RAD51B: variants seen among roughly 807,000 people sequenced by gnomAD.
RAD51B encodes the protein RAD51 paralog B, also known as DNA repair protein RAD51 homolog 2.
In RAD51B, 38 loss-of-function variants were observed where a neutral mutation model predicts 42.2. The ratio of observed to expected loss-of-function variants is 0.90; its 90% CI spans 0.70 to 1.18. RAD51B has a LOEUF of 1.18. Ranked by LOEUF, RAD51B falls within the 50% of genes most tolerant of loss-of-function variation. RAD51B has a pLI of 0.00. For missense variants in RAD51B, 373 were observed against 400.7 expected (o/e 0.93, Z 0.59); for synonymous variants, 154 against 145.2 (o/e 1.06, Z -0.43).
intron 7 of RAD51B, among the ~76,000 whole-genome samples, chr14:68,235,051 T>C (rs2080219221): frequency 6.6e-6 from 1 of 152,146 alleles, no homozygotes; most frequent in Admixed American, 6.5e-5. Flanking sequence ...GTAGAAAGAG[T>C]ACACTGTAAA....
intron 7 of RAD51B, among the ~76,000 whole-genome samples, chr14:68,032,498 A>G (rs1339490602): frequency 6.6e-6 from 1 of 152,188 alleles, no homozygotes; most frequent in Non-Finnish European, 1.5e-5. Flanking sequence ...CATGGCTCAA[A>G]TCAGAAAAAT....
chr14:68,325,683 G>C (rs1316702972), intron 8 of RAD51B, among the ~76,000 whole-genome samples: 3 of 151,452 alleles, frequency 2.0e-5, no homozygotes, highest in African/African-American at 7.3e-5. Context: ...TCTAGTTAGC[G>C]TGGTGCTTCC....
exon 11 of RAD51B, chr14:68,611,505 T>C (rs1243538690): frequency 3.9e-6 from 2 of 511,232 alleles, no homozygotes; most frequent in African/African-American, 3.8e-5. Flanking sequence ...CTGCCCTCCT[T>C]GCAGCATCTC....
intron 7 of RAD51B, among the ~76,000 whole-genome samples, chr14:68,214,017 T>A (rs189648482): frequency 6.6e-6 from 1 of 152,272 alleles, no homozygotes; most frequent in East Asian, 1.9e-4. Flanking sequence ...AAAACCATAT[T>A]AGAGAATGTG....
intron 11 of RAD51B, among the ~76,000 whole-genome samples, chr14:68,659,039 C>T (rs1892880448): frequency 6.6e-6 from 1 of 152,172 alleles, no homozygotes. Context: ...TGCCACCAAG[C>T]CCAAGACAAA....
At chr14:68,226,769 G>A (rs1340088184) in intron 7 of RAD51B, among the ~76,000 whole-genome samples, 4 of 152,210 alleles carry the variant, frequency 2.6e-5, no homozygotes, top group Admixed American at 1.3e-4. Context: ...GAGAGACTAA[G>A]TGACTTGCCA....
At chr14:68,358,839 A>C (rs760053925) in intron 8 of RAD51B, among the ~76,000 whole-genome samples, 9 of 152,232 alleles carry the variant, frequency 5.9e-5, no homozygotes, top group Non-Finnish European at 4.4e-5. Flanking sequence ...TATTTGAAAA[A>C]TATTTTAAGA....
intron 8 of RAD51B, among the ~76,000 whole-genome samples, chr14:68,340,862 T>A (rs1460963664): frequency 6.6e-6 from 1 of 152,222 alleles, no homozygotes; most frequent in East Asian, 1.9e-4. Context: ...ATGAAAGCAA[T>A]GGAGAACAGT....
chr14:68,280,469 C>G (rs2081299603), intron 7 of RAD51B, among the ~76,000 whole-genome samples: 1 of 152,084 alleles, frequency 6.6e-6, no homozygotes, highest in African/African-American at 2.4e-5. Context: ...CAAAAAATAC[C>G]TCAACTTCTT....
chr14:67,827,381 C>T (rs1472779198), intron 3 of RAD51B, among the ~76,000 whole-genome samples: 1 of 152,118 alleles, frequency 6.6e-6, no homozygotes, highest in Non-Finnish European at 1.5e-5. Flanking sequence ...AAATACAGTT[C>T]AAGAAACCAT....
chr14:67,941,221 G>A (rs10133262), intron 7 of RAD51B, among the ~76,000 whole-genome samples: 41,513 of 152,058 alleles, frequency 0.27, 7,362 homozygotes, highest in African/African-American at 0.5. Context: ...ACGGAGTTAT[G>A]ATGACATCTG....
downstream of RAD51B, among the ~76,000 whole-genome samples, chr14:68,479,198 A>G (rs1373090831): frequency 2.0e-5 from 3 of 152,154 alleles, no homozygotes; most frequent in African/African-American, 7.2e-5. Flanking sequence ...TGTTGGTGAA[A>G]ACCAAGGTGA....
intron 8 of RAD51B, among the ~76,000 whole-genome samples, chr14:68,369,192 T>C (rs1050747242): frequency 8.5e-5 from 13 of 152,232 alleles, no homozygotes; most frequent in Admixed American, 3.3e-4. Flanking sequence ...AGGTTGTTTA[T>C]GTATTTGATG....
chr14:68,214,627 A>G lies in RAD51B; in HGVS notation c.757-77257A>G, dbSNP rs74509757. Reference sequence around the variant, plus strand: ...AGAGATGATCAGTGTTCTAAGTGCTATGGTTCATCATGTTCTGGAGGTGGC... The same window carrying G: ...AGAGATGATCAGTGTTCTAAGTGCTGTGGTTCATCATGTTCTGGAGGTGGC... On this transcript the variant is annotated intron_variant, in intron 7 of 10. Coordinates refer to ENST00000471583, the MANE Select transcript of RAD51B (RefSeq NM_133510.4). Among the ~76,000 whole-genome samples, 827 of 152,340 alleles carry G rather than the reference A, an allele frequency of 5.4e-3. 7 individuals are homozygous for G. The highest frequency in any genetic ancestry group is 0.019 in the African/African-American group (802 of 41,580).
intron 1 of RAD51B, among the ~76,000 whole-genome samples, chr14:67,821,874 G>T (rs541553123): frequency 6.6e-6 from 1 of 152,158 alleles, no homozygotes; most frequent in East Asian, 1.9e-4. Flanking sequence ...TATTATAGCA[G>T]GTATCACTTG....
chr14:68,125,798 G>A (rs983417675), intron 7 of RAD51B, among the ~76,000 whole-genome samples: 1 of 151,226 alleles, frequency 6.6e-6, no homozygotes, highest in Non-Finnish European at 1.5e-5. Flanking sequence ...TGATTAGTCA[G>A]TTGATCTTAA....
At chr14:68,552,380 C>T (rs1487867049) in intron 10 of RAD51B, among the ~76,000 whole-genome samples, 2 of 152,186 alleles carry the variant, frequency 1.3e-5, no homozygotes, top group Non-Finnish European at 2.9e-5. Context: ...GCTAAATCAA[C>T]AGCACCTTTC....
intron 7 of RAD51B, among the ~76,000 whole-genome samples, chr14:68,016,988 A>G (rs202216592): frequency 6.6e-6 from 1 of 152,194 alleles, no homozygotes; most frequent in East Asian, 1.9e-4. Context: ...ATATAGACAT[A>G]TGCTAATGGA....
intron 7 of RAD51B, among the ~76,000 whole-genome samples, chr14:68,023,958 T>C (rs2075910416): frequency 6.6e-6 from 1 of 152,252 alleles, no homozygotes; most frequent in Non-Finnish European, 1.5e-5. Context: ...TGGGTTTTCT[T>C]CTAAGACGTT....
Sources: gnomAD v4.1 joint callset for allele counts (sites outside exome capture counted in the v4.1 genomes callset) on GRCh38, gnomAD v4.1.1 for gene constraint, MANE v1.5 for transcripts, NCBI Gene and HGNC (gene_info 2026-07-23, HGNC 2026-07-21) for gene names.